The following SCAMP4 variants were observed in gnomAD, a reference collection of about 807,000 sequenced individuals.
The protein encoded by SCAMP4 is secretory carrier-associated membrane protein 4.
SCAMP4 carries 19 observed loss-of-function variants against 32.1 expected under a neutral mutation model. The observed-to-expected ratio is 0.59, with a 90% CI of 0.41 to 0.87. SCAMP4 has a LOEUF of 0.87. Ranked by LOEUF, SCAMP4 falls within the 40% of genes least tolerant of loss-of-function variation. The pLI is 0.00. For missense variants in SCAMP4, 302 were observed against 309.0 expected, an observed-to-expected ratio of 0.98 and a Z score of 0.17; for synonymous variants, 152 against 132.7, an observed-to-expected ratio of 1.15 and a Z score of -1.00.
chr19:1,922,643 T>C (rs1459261643), intron 5 of SCAMP4: 2 of 986,504 alleles, frequency 2.0e-6, no homozygotes, highest in African/African-American at 1.7e-5. Context: ...TTCCCATCAT[T>C]AGACACAGTT....
In SCAMP4 at chr19:1,908,698, T is replaced by C. The variant is rs1018837369; in HGVS notation, c.-42+3259T>C. The C allele has an allele frequency of 1.5e-4, 59 of 402,734 alleles. No homozygotes were observed. Among genetic ancestry groups the C allele is most frequent in the African/African-American group, 1.2e-3 (56 of 48,164 alleles). The allele number at this position is 402,734 out of a possible 1,614,324, so 24.9% of individuals were successfully genotyped here. ...TTTGAAAAAAGGAACAGGGTCTCTC[T>C]ATCTTGCCCACGTTGGTCTCAAACT... On this transcript the variant is annotated intron_variant, in intron 1 of 6. Transcript: ENST00000316097. The surrounding 1 kb of genome is among the most constrained non-coding windows in gnomAD (Gnocchi z 4.2).
chr19:1,912,074 C>G, intron 1 of SCAMP4: 3 of 1,450,614 alleles, frequency 2.1e-6, no homozygotes, highest in Non-Finnish European at 2.7e-6. Flanking sequence ...GTCTCTGTCT[C>G]CCACAGTCGG....
intron 5 of SCAMP4, chr19:1,922,442 T>G: frequency 2.7e-6 from 2 of 752,924 alleles, no homozygotes; most frequent in Non-Finnish European, 3.2e-6. Flanking sequence ...ACCTTGTTGG[T>G]CAGGCTGGTC....
rs35226425 is a variant in SCAMP4 at position 1,923,615 on chromosome 19, C to CTTTTT, written c.513+446_513+450dup. Among the ~76,000 whole-genome samples, 814 of 86,436 alleles carry CTTTTT rather than the reference C, an allele frequency of 9.4e-3. 62 individuals are homozygous for CTTTTT. Among genetic ancestry groups the CTTTTT allele is most frequent in the Admixed American group, 0.04 (240 of 6,054 alleles). 56.7% of individuals were successfully genotyped at this position (86,436 alleles called of 152,430 possible). A position where few individuals can be genotyped will look rare whatever the true frequency, so the allele number is the denominator to read the frequency against. ...AGAAACTTTCAGTTACAGCAAAATG[C>CTTTTT]TTTTTTTTTTTTTTTTTTTTTTAGA... On this transcript the variant is annotated intron_variant, in intron 6 of 6. Coordinates refer to ENST00000316097, the MANE Select transcript of SCAMP4 (RefSeq NM_079834.4).
chr19:1,905,695 C>T (rs1048184490), intron 1 of SCAMP4: 1 of 153,568 alleles, frequency 6.5e-6, no homozygotes, highest in South Asian at 2.1e-4. Context: ...CCGGGCCTAG[C>T]GCCTTTCTGC....
At chr19:1,918,086 C>T (rs370137634) in intron 3 of SCAMP4, 41 bp from the exon 4 acceptor site, 17 of 1,578,760 alleles carry the variant, frequency 1.1e-5, no homozygotes, top group Admixed American at 1.0e-4. Flanking sequence ...ACGGCCACAC[C>T]CTCCCGTGCC....
rs116454078 is a variant in SCAMP4, at chr19:1,925,013, C to T, written c.*729C>T. The T allele has an allele frequency of 0.014, 2,109 of 152,392 alleles. 30 individuals carry two copies. The highest frequency in any genetic ancestry group is 0.036 in the African/African-American group (1,489 of 41,556). 9.4% of individuals were successfully genotyped at this position (152,392 alleles called of 1,614,324 possible). A position where few individuals can be genotyped will look rare whatever the true frequency, so the allele number is the denominator to read the frequency against. ...ACCCAGGCCAGGTCGGGAGCACAGCCGCTCCCCAAACCCAGCAAACCGGCA... is the reference window on the plus strand; with the variant it reads ...ACCCAGGCCAGGTCGGGAGCACAGCTGCTCCCCAAACCCAGCAAACCGGCA... On this transcript the variant is annotated 3_prime_UTR_variant, in exon 7 of 7. Coordinates refer to ENST00000316097, the MANE Select transcript of SCAMP4 (RefSeq NM_079834.4).
intron 1 of SCAMP4, among the ~76,000 whole-genome samples, chr19:1,914,744 G>A (rs934737797): frequency 3.3e-5 from 5 of 152,188 alleles, no homozygotes; most frequent in South Asian, 2.1e-4. Flanking sequence ...GGGTGGGAGG[G>A]GCTGCGGCCA....
At chr19:1,918,363 A>T in intron 4 of SCAMP4, 80 bp downstream of exon 4, 1 of 1,400,450 alleles carries the variant, frequency 7.1e-7, no homozygotes, top group Non-Finnish European at 9.5e-7. Flanking sequence ...CCCAGCTGTG[A>T]GGAGCTGTCC....
intron 5 of SCAMP4, chr19:1,919,998 A>G (rs2013868767): frequency 3.9e-6 from 1 of 253,470 alleles, no homozygotes; most frequent in African/African-American, 2.3e-5. Flanking sequence ...TTAGTAAGAG[A>G]CGGGGTTTCA....
At chr19:1,912,036 C>T (rs762567578) in intron 1 of SCAMP4, 4 of 1,416,238 alleles carry the variant, frequency 2.8e-6, no homozygotes, top group Non-Finnish European at 3.7e-6. Flanking sequence ...CCCAGCCGCC[C>T]GCAGCCGCCG....
chr19:1,922,985 T>C, intron 5 of SCAMP4, 85 bp from the exon 6 acceptor site: 1 of 1,424,650 alleles, frequency 7.0e-7, no homozygotes, highest in Non-Finnish European at 9.2e-7. Context: ...GCCAGAGCTC[T>C]TTACATGGGG....
In SCAMP4 at chr19:1,918,910, C is replaced by A. The variant is rs752782076; in HGVS notation, c.315C>A (p.Phe105Leu). Residue 105 changes from phenylalanine to leucine, a missense_variant, in exon 5 of 7, where the codon TTC becomes TTA. Coordinates refer to ENST00000316097, the MANE Select transcript of SCAMP4 (RefSeq NM_079834.4). ...KAFRADSSFNFMAFFFIFGAQ... is the reference protein window; with the variant it reads ...KAFRADSSFNLMAFFFIFGAQ... ...CCAGAGCCGACAGCTCCTTTAATTT[C>A]ATGGCGTTTTTCTTCATCTTCGGAG... 1 of 1,611,304 alleles carries A rather than the reference C, an allele frequency of 6.2e-7. No individual in the cohort carries two copies. The highest frequency in any genetic ancestry group is 1.3e-5 in the African/African-American group (1 of 75,032).
chr19:1,911,311 AC>A (rs765170004), intron 1 of SCAMP4, among the ~76,000 whole-genome samples: 138 of 152,062 alleles, frequency 9.1e-4, no homozygotes, highest in Non-Finnish European at 1.0e-3. Flanking sequence ...AGCTGAAACC[AC>A]CGGTGTGTGC....
intron 1 of SCAMP4, chr19:1,912,620 C>T: frequency 1.4e-6 from 2 of 1,464,742 alleles, no homozygotes; most frequent in Non-Finnish European, 1.8e-6. Flanking sequence ...CCATGCAGAG[C>T]CACATGGAGC....
At chr19:1,911,265 G>A (rs897135377) in intron 1 of SCAMP4, among the ~76,000 whole-genome samples, 1 of 151,820 alleles carries the variant, frequency 6.6e-6, no homozygotes, top group Non-Finnish European at 1.5e-5. Flanking sequence ...TTGAATTTCC[G>A]GCCTCAAGTG....
chr19:1,908,780 C>T lies in SCAMP4; in HGVS notation c.-42+3341C>T, dbSNP rs781549276. 5.7e-6 allele frequency: 2 copies of T among 351,822 alleles called. No individual in the cohort carries two copies. Among genetic ancestry groups the T allele is most frequent in the Non-Finnish European group, 5.6e-6 (1 of 179,712 alleles). 21.8% of individuals were successfully genotyped at this position (351,822 alleles called of 1,614,324 possible). A position where few individuals can be genotyped will look rare whatever the true frequency, so the allele number is the denominator to read the frequency against. On this transcript the variant is annotated intron_variant, in intron 1 of 6. Coordinates refer to ENST00000316097, the MANE Select transcript of SCAMP4 (RefSeq NM_079834.4). This position sits in a 1 kb window ranked among gnomAD's most constrained non-coding sequence, Gnocchi z 4.2. Reference sequence around the variant, plus strand: ...TCCTGAGTAGCTGGGACTACATGTGCACACCACCGTGCCCAACTAATTTAT... The same window carrying T: ...TCCTGAGTAGCTGGGACTACATGTGTACACCACCGTGCCCAACTAATTTAT...
At chr19:1,913,112 G>A (rs1028598109) in intron 1 of SCAMP4, 3 of 1,590,008 alleles carry the variant, frequency 1.9e-6, no homozygotes, top group Non-Finnish European at 8.5e-7. Flanking sequence ...TCCGCGGGGT[G>A]CTGGAGGAGC....
chr19:1,914,095 G>T (rs959912055), intron 1 of SCAMP4, among the ~76,000 whole-genome samples: 8 of 152,178 alleles, frequency 5.3e-5, no homozygotes, highest in Non-Finnish European at 1.2e-4. Context: ...GGGAGCCGCA[G>T]AGGCGTGCCC....
Sources: gnomAD v4.1 joint callset for allele counts (sites outside exome capture counted in the v4.1 genomes callset) on GRCh38, gnomAD v4.1.1 for gene constraint, Gnocchi (gnomAD v3.1) non-coding constraint, MANE v1.5 for transcripts, NCBI Gene and HGNC (gene_info 2026-07-23, HGNC 2026-07-21) for gene names.